MED13: variants seen among roughly 807,000 people sequenced by gnomAD.
The protein encoded by MED13 is mediator of RNA polymerase II transcription subunit 13.
In MED13, 23 loss-of-function variants were observed where a neutral mutation model predicts 225.2. The observed-to-expected ratio is 0.10, with a 90% CI of 0.07 to 0.14. The LOEUF is 0.14. MED13 is among the 10% of genes least tolerant of loss of function. The pLI, the probability that MED13 is intolerant of heterozygous loss-of-function variation, is 1.00. For synonymous variants in MED13, 942 were observed against 889.2 expected (o/e 1.06, Z -1.06); for missense variants, 2,197 against 2,594.5 (o/e 0.85, Z 3.33).
rs2079941595 is a variant in MED13 at position 61,956,092 on chromosome 17, T to C, written c.5623+247A>G. 2.0e-5 allele frequency among the ~76,000 whole-genome samples: 3 copies of C among 152,038 alleles called. No individual in the cohort carries two copies. The South Asian group carries it at 6.2e-4, about 31-fold the overall frequency. On this transcript the variant is annotated intron_variant, in intron 24 of 29. Transcript: ENST00000397786. ...TCTGCTCAACAGAGGATGAGTTAAA[T>C]AACAATCAGAAAGTGGAAAAAACAG...
Position 61,983,118 on chromosome 17 carries a change from T to C in MED13, c.2889-4A>G, listed in dbSNP as rs1299393742. The C allele has an allele frequency of 1.3e-6, 2 of 1,589,514 alleles. No homozygotes were observed. Among genetic ancestry groups the C allele is most frequent in the African/African-American group, 1.3e-5 (1 of 74,124 alleles). On this transcript the variant is annotated splice_region_variant and splice_polypyrimidine_tract_variant and intron_variant, in intron 15 of 29. Transcript: ENST00000397786. Reference sequence around the variant, plus strand: ...TTGATCCATATTACTTCCATCACTATCATCACCAGGGTAAAAGAAGATCAA... The same window carrying C: ...TTGATCCATATTACTTCCATCACTACCATCACCAGGGTAAAAGAAGATCAA...
intron 3 of MED13, among the ~76,000 whole-genome samples, chr17:62,047,977 T>C (rs567058308): frequency 4.7e-5 from 7 of 149,254 alleles, no homozygotes; most frequent in Middle Eastern, 3.5e-3. Context: ...AACCACAGAA[T>C]CCCAGAAAGG....
intron 8 of MED13, among the ~76,000 whole-genome samples, chr17:62,025,829 T>C (rs764962420): frequency 6.6e-6 from 1 of 152,198 alleles, no homozygotes; most frequent in Non-Finnish European, 1.5e-5. Context: ...GCTAAATATA[T>C]CCTTGTTTTT....
intron 9 of MED13, among the ~76,000 whole-genome samples, chr17:62,001,812 C>T: frequency 6.6e-6 from 1 of 152,256 alleles, no homozygotes; most frequent in East Asian, 1.9e-4. Flanking sequence ...ATTTTATACA[C>T]TAACAGTGCC....
chr17:61,947,478 T>C (rs1242231464), intron 28 of MED13, among the ~76,000 whole-genome samples: 2 of 152,212 alleles, frequency 1.3e-5, no homozygotes. Flanking sequence ...AAAGTAAATG[T>C]TTAAGGAGGC....
At chr17:61,998,596 CTTTTTTTTT>C (rs58261678) in intron 9 of MED13, among the ~76,000 whole-genome samples, 11 of 115,542 alleles carry the variant, frequency 9.5e-5, no homozygotes, top group African/African-American at 3.5e-4. Context: ...TTCCCACCGC[CTTTTTTTTT>C]TTTTTTTTTT....
At chr17:61,976,999 AATTC>A (rs2080162767) in intron 16 of MED13, among the ~76,000 whole-genome samples, 1 of 152,338 alleles carries the variant, frequency 6.6e-6, no homozygotes, top group South Asian at 2.1e-4. Flanking sequence ...TAGACTTTTA[AATTC>A]ATTCAAACAT....
intron 8 of MED13, among the ~76,000 whole-genome samples, chr17:62,013,083 G>A (rs985096575): frequency 4.0e-5 from 6 of 151,890 alleles, no homozygotes; most frequent in Non-Finnish European, 5.9e-5. Context: ...GAGCCACTGC[G>A]CCCGGCCGAG....
chr17:62,055,590 AG>A (rs2080990695), intron 2 of MED13, among the ~76,000 whole-genome samples: 1 of 152,050 alleles, frequency 6.6e-6, no homozygotes, highest in African/African-American at 2.4e-5. Context: ...TGGGAGGTCG[AG>A]GCAGGTGGAT....
intron 11 of MED13, among the ~76,000 whole-genome samples, chr17:61,990,313 CAT>C (rs1008900978): frequency 1.3e-5 from 2 of 151,932 alleles, no homozygotes; most frequent in Non-Finnish European, 2.9e-5. Flanking sequence ...TACACACACA[CAT>C]ATATATACAC....
At chr17:62,024,905 T>C (rs2080685630) in intron 8 of MED13, among the ~76,000 whole-genome samples, 1 of 152,228 alleles carries the variant, frequency 6.6e-6, no homozygotes, top group Admixed American at 6.5e-5. Context: ...ATGGTGTACA[T>C]GCACATTTTC....
chr17:62,029,804 G>GT (rs1332169179), intron 7 of MED13, 47 bp downstream of exon 7: 5 of 1,548,162 alleles, frequency 3.2e-6, no homozygotes, highest in Non-Finnish European at 4.4e-6. Flanking sequence ...CTAATTATAA[G>GT]TAATTATCAA....
At chr17:62,002,977 T>TATCTCC (rs1479951223) in intron 9 of MED13, among the ~76,000 whole-genome samples, 2 of 152,234 alleles carry the variant, frequency 1.3e-5, no homozygotes, top group Admixed American at 1.3e-4. Flanking sequence ...GCAGCATCTC[T>TATCTCC]AATTTCTACC....
intron 2 of MED13, among the ~76,000 whole-genome samples, chr17:62,061,766 G>A (rs998127229): frequency 1.3e-5 from 2 of 152,098 alleles, no homozygotes; most frequent in African/African-American, 4.8e-5. Context: ...TCATGTATAT[G>A]TACATATATG....
intron 3 of MED13, among the ~76,000 whole-genome samples, chr17:62,050,395 A>G (rs2143752176): frequency 6.6e-6 from 1 of 151,994 alleles, no homozygotes; most frequent in South Asian, 2.1e-4. Context: ...AGGGAAAAGA[A>G]GTGTGTGCAA....
intron 17 of MED13, among the ~76,000 whole-genome samples, chr17:61,970,889 G>A (rs1273545231): frequency 6.6e-6 from 1 of 151,820 alleles, no homozygotes; most frequent in Non-Finnish European, 1.5e-5. Flanking sequence ...GCTGGGTGTG[G>A]TGGTGAGCAC....
In MED13 at chr17:61,945,187, C is replaced by T. The variant is rs2079843036; in HGVS notation, c.*1281G>A. 6.6e-6 allele frequency: 1 copy of T among 152,074 alleles called. No homozygotes were observed. Among genetic ancestry groups the T allele is most frequent in the African/African-American group, 2.4e-5 (1 of 41,378 alleles). The allele number at this position is 152,074 out of a possible 1,614,324, so 9.4% of individuals were successfully genotyped here. On this transcript the variant is annotated 3_prime_UTR_variant, in exon 30 of 30. Transcript: ENST00000397786. ...GGAATAGAGTCTGAATACCAGAATT[C>T]ACTGAGAATCTATTTACACCACAGT...
rs1268429363 is a variant in MED13, at chr17:61,946,900, T to C, written c.6392+17A>G. 2 of 1,571,948 alleles carry C rather than the reference T, an allele frequency of 1.3e-6. No homozygotes were observed. Among genetic ancestry groups the C allele is most frequent in the African/African-American group, 1.4e-5 (1 of 73,980 alleles). ...TAAAGTTGCAGTGACAAACTGTTAA[T>C]GGTAAAAGAGTTGTACCTGAGGACA... is the stretch of plus-strand genomic sequence containing the variant. On this transcript the variant is annotated intron_variant, in intron 29 of 29. Transcript: ENST00000397786.
chr17:62,035,402 T>A, intron 4 of MED13, 61 bp downstream of exon 4: 1 of 1,348,674 alleles, frequency 7.4e-7, no homozygotes, highest in East Asian at 2.5e-5. Flanking sequence ...TGTAAAATTA[T>A]GAAGTCAAAT....
Sources: allele counts gnomAD v4.1 joint callset (sites outside exome capture counted in the v4.1 genomes callset), GRCh38; gene constraint gnomAD v4.1.1; transcripts MANE v1.5; gene names NCBI Gene and HGNC (gene_info 2026-07-23, HGNC 2026-07-21).